Variants in SND1 observed in about 807,000 individuals in gnomAD.
The protein encoded by SND1 is staphylococcal nuclease and tudor domain containing 1, also known as staphylococcal nuclease domain-containing protein 1.
SND1 carries 38 observed loss-of-function variants against 121.7 expected under a neutral mutation model. The ratio of observed to expected loss-of-function variants is 0.31; its 90% CI spans 0.24 to 0.41. The LOEUF (loss-of-function observed/expected upper bound fraction) is 0.41. Ranked by LOEUF, SND1 falls within the 10% of genes least tolerant of loss-of-function variation. The pLI is 1.00. For missense variants in SND1, 868 were observed against 1,184.6 expected (o/e 0.73, Z 3.92); for synonymous variants, 401 against 447.4 (o/e 0.90, Z 1.31).
Position 127,701,235 on chromosome 7 carries a change from G to C in SND1, c.501G>C (p.Gly167=). 1 of 1,614,052 alleles carries C rather than the reference G, an allele frequency of 6.2e-7. No homozygotes were observed. Among genetic ancestry groups the C allele is most frequent in the Non-Finnish European group, 8.5e-7 (1 of 1,179,968 alleles). ...CCAAGAAAGGGATGTGGAGTGAGGG[G>C]AACGGTTCACATACTATCCGGGATC... ...KAAKKGMWSE[G]NGSHTIRDLK... The change falls in exon 5 of 24, where the codon GGG becomes GGC. Residue 167 remains glycine, a synonymous_variant. Coordinates refer to ENST00000354725, the MANE Select transcript of SND1 (RefSeq NM_014390.4).
intron 16 of SND1, among the ~76,000 whole-genome samples, chr7:128,033,120 C>G (rs1164120481): frequency 6.6e-6 from 1 of 152,210 alleles, no homozygotes; most frequent in Non-Finnish European, 1.5e-5. Context: ...CTCGCCAGCC[C>G]TTCCTTGGCT....
At chr7:127,961,277 A>G (rs1801725185) in intron 15 of SND1, among the ~76,000 whole-genome samples, 2 of 152,194 alleles carry the variant, frequency 1.3e-5, no homozygotes, top group Non-Finnish European at 2.9e-5. Flanking sequence ...ACATAAGTGT[A>G]TTTTCTAAAA....
intron 10 of SND1, among the ~76,000 whole-genome samples, chr7:127,795,350 A>G (rs1797996127): frequency 6.6e-6 from 1 of 152,178 alleles, no homozygotes; most frequent in Non-Finnish European, 1.5e-5. Flanking sequence ...CTCAAAATAT[A>G]CCAACCCCAG....
At chr7:127,878,851 A>G (rs896095495) in intron 12 of SND1, among the ~76,000 whole-genome samples, 1 of 152,134 alleles carries the variant, frequency 6.6e-6, no homozygotes, top group Non-Finnish European at 1.5e-5. Context: ...TGCCACCTCA[A>G]ATGTTTCCAA....
At chr7:128,049,028 G>T (rs1263330751) in intron 16 of SND1, among the ~76,000 whole-genome samples, 2 of 152,124 alleles carry the variant, frequency 1.3e-5, no homozygotes, top group African/African-American at 4.8e-5. Flanking sequence ...AGCAGCCTTG[G>T]CTATTTTGGC....
At position 127,998,996 on chromosome 7, in the gene SND1, A is replaced by G. The variant is rs565271914; in HGVS notation, c.1779+7940A>G. On this transcript the variant is annotated intron_variant, in intron 16 of 23. Coordinates refer to ENST00000354725, the MANE Select transcript of SND1 (RefSeq NM_014390.4). ...TTAGAACTTTCATAGCCAGTCAAGCATAGAATTGCATCCATTCTTCTGAAA... is the reference window on the plus strand; with the variant it reads ...TTAGAACTTTCATAGCCAGTCAAGCGTAGAATTGCATCCATTCTTCTGAAA... 6 of 152,348 alleles carry G rather than the reference A, an allele frequency of 3.9e-5. No individual in the cohort carries two copies. In the East Asian group the frequency reaches 1.2e-3, roughly 29 times the overall value. The allele number at this position is 152,348 out of a possible 1,614,324, so 9.4% of individuals were successfully genotyped here.
chr7:127,997,817 T>C, intron 16 of SND1: 1 of 534,820 alleles, frequency 1.9e-6, no homozygotes, highest in South Asian at 1.4e-5. Context: ...ACTTACACTT[T>C]CGGCCCAGCA....
chr7:127,771,847 T>A (rs756441453), intron 10 of SND1, among the ~76,000 whole-genome samples: 5 of 152,154 alleles, frequency 3.3e-5, no homozygotes, highest in Admixed American at 6.5e-5. Flanking sequence ...AACTCTCATG[T>A]CTATTTCTGT....
intron 8 of SND1, among the ~76,000 whole-genome samples, chr7:127,706,418 G>A (rs1277046285): frequency 6.6e-6 from 1 of 151,866 alleles, no homozygotes; most frequent in Admixed American, 6.6e-5. Flanking sequence ...CACCACACCT[G>A]GCTAATTTTT....
intron 16 of SND1, among the ~76,000 whole-genome samples, chr7:128,034,383 T>A (rs1792709871): frequency 6.6e-6 from 1 of 152,136 alleles, no homozygotes; most frequent in South Asian, 2.1e-4. Flanking sequence ...TGGTGAGAGG[T>A]TCTGCTCCTT....
At chr7:127,921,782 A>T (rs978076063) in intron 14 of SND1, among the ~76,000 whole-genome samples, 27 of 152,286 alleles carry the variant, frequency 1.8e-4, no homozygotes, top group African/African-American at 6.3e-4. Context: ...CTGTTTAACT[A>T]TAGTTTAACC....
At chr7:127,891,896 A>G (rs572512904) in intron 13 of SND1, among the ~76,000 whole-genome samples, 5 of 152,172 alleles carry the variant, frequency 3.3e-5, no homozygotes, top group African/African-American at 1.2e-4. Context: ...GCAAAAGCCA[A>G]ATTCATAACA....
At chr7:127,896,077 T>C (rs1280454952) in intron 13 of SND1, among the ~76,000 whole-genome samples, 1 of 152,112 alleles carries the variant, frequency 6.6e-6, no homozygotes, top group African/African-American at 2.4e-5. Context: ...CTCTGTTCTG[T>C]AATCATTAGT....
chr7:128,070,400 T>C (rs187153469), intron 16 of SND1, among the ~76,000 whole-genome samples: 8 of 152,216 alleles, frequency 5.3e-5, no homozygotes, highest in East Asian at 3.9e-4. Flanking sequence ...CGTCAGTGCA[T>C]GCTCTCATAC....
chr7:128,009,661 C>T (rs1427732664), intron 16 of SND1, among the ~76,000 whole-genome samples: 2 of 152,154 alleles, frequency 1.3e-5, no homozygotes, highest in African/African-American at 4.8e-5. Context: ...CAGCATAGGA[C>T]TCTAGACAAG....
chr7:127,701,987 T>G (rs766071336), intron 5 of SND1, among the ~76,000 whole-genome samples: 13 of 152,220 alleles, frequency 8.5e-5, no homozygotes, highest in Non-Finnish European at 1.9e-4. Context: ...GTTGACTCCA[T>G]GAATGTGAAA....
At chr7:127,816,953 A>T (rs996487123) in intron 11 of SND1, among the ~76,000 whole-genome samples, 1 of 152,152 alleles carries the variant, frequency 6.6e-6, no homozygotes, top group South Asian at 2.1e-4. Flanking sequence ...GAGCCACTCC[A>T]CCTAGCTAGT....
At chr7:127,664,502 G>A (rs2116244460) in intron 1 of SND1, among the ~76,000 whole-genome samples, 1 of 152,160 alleles carries the variant, frequency 6.6e-6, no homozygotes, top group East Asian at 1.9e-4. Context: ...GGGCATGGAG[G>A]CTGTGCACTC....
At chr7:127,983,365 G>C (rs1156880584) in intron 15 of SND1, among the ~76,000 whole-genome samples, 1 of 152,116 alleles carries the variant, frequency 6.6e-6, no homozygotes, top group African/African-American at 2.4e-5. Flanking sequence ...GACTCCAGGG[G>C]ACCAAGTGCA....
Sources: allele counts gnomAD v4.1 joint callset (sites outside exome capture counted in the v4.1 genomes callset), GRCh38; gene constraint gnomAD v4.1.1; transcripts MANE v1.5; gene names NCBI Gene and HGNC (gene_info 2026-07-23, HGNC 2026-07-21).